The following CTNNA2 variants were observed in gnomAD, a reference collection of about 807,000 sequenced individuals.
CTNNA2 encodes catenin alpha-2.
Under a neutral mutation model 101.0 loss-of-function variants are expected in CTNNA2, and 42 were observed. The observed-to-expected ratio is 0.42, with a 90% CI of 0.32 to 0.54. The LOEUF (loss-of-function observed/expected upper bound fraction) is 0.54, where lower values mean the gene tolerates loss of function less well. CTNNA2 is among the 20% of genes least tolerant of loss of function. CTNNA2 has a pLI of 0.14. For synonymous variants in CTNNA2, 450 were observed against 456.4 expected (o/e 0.99, Z 0.18); for missense variants, 871 against 1,223.1 (o/e 0.71, Z 4.29).
intron 15 of CTNNA2, among the ~76,000 whole-genome samples, chr2:80,602,408 C>T (rs1697632825): frequency 6.6e-6 from 1 of 151,970 alleles, no homozygotes; most frequent in African/African-American, 2.4e-5. Flanking sequence ...AAGCATTTTC[C>T]AAGATCCTTT....
intron 7 of CTNNA2, among the ~76,000 whole-genome samples, chr2:80,228,963 C>A (rs1353142163): frequency 1.3e-5 from 2 of 152,096 alleles, no homozygotes; most frequent in African/African-American, 4.8e-5. Flanking sequence ...GATTCAAATG[C>A]CCAGCCCTAT....
intron 7 of CTNNA2, among the ~76,000 whole-genome samples, chr2:80,230,885 T>A (rs1332030047): frequency 6.6e-6 from 1 of 152,162 alleles, no homozygotes; most frequent in Non-Finnish European, 1.5e-5. Flanking sequence ...AATTGGACAT[T>A]ATCTTACTTT....
At chr2:80,198,924 T>C (rs1707015759) in intron 7 of CTNNA2, among the ~76,000 whole-genome samples, 1 of 152,110 alleles carries the variant, frequency 6.6e-6, no homozygotes, top group African/African-American at 2.4e-5. Context: ...GGTTCATGCC[T>C]ATAATCCCAG....
intron 2 of CTNNA2, among the ~76,000 whole-genome samples, chr2:79,702,222 T>A (rs1248724621): frequency 6.9e-6 from 1 of 144,030 alleles, no homozygotes; most frequent in African/African-American, 3.0e-5. Context: ...ATGGCCTGCC[T>A]TTTTACATTT....
chr2:80,398,462 AT>A (rs1251223875), intron 8 of CTNNA2, among the ~76,000 whole-genome samples: 1 of 152,094 alleles, frequency 6.6e-6, no homozygotes, highest in Non-Finnish European at 1.5e-5. Flanking sequence ...TCTAGGTCAG[AT>A]TGTCAAGCTG....
chr2:79,517,039 G>C (rs1031380446), intron 1 of CTNNA2, among the ~76,000 whole-genome samples: 8 of 152,096 alleles, frequency 5.3e-5, no homozygotes, highest in Non-Finnish European at 1.2e-4. Context: ...TGCTCTTTCA[G>C]TTTTGTGGCT....
chr2:80,001,719 C>T (rs772073930), intron 7 of CTNNA2, among the ~76,000 whole-genome samples: 30 of 152,258 alleles, frequency 2.0e-4, no homozygotes, highest in Middle Eastern at 6.8e-3. Flanking sequence ...AGGAAGGATG[C>T]CTTGGAGAAA....
intron 8 of CTNNA2, among the ~76,000 whole-genome samples, chr2:80,409,424 A>G (rs375124819): frequency 7.2e-5 from 11 of 152,290 alleles, no homozygotes; most frequent in African/African-American, 2.6e-4. Context: ...AGCACCATTT[A>G]TGAGGCCAGT....
intron 9 of CTNNA2, among the ~76,000 whole-genome samples, chr2:80,432,557 G>T (rs1367355858): frequency 6.6e-6 from 1 of 152,080 alleles, no homozygotes. Flanking sequence ...CATAATACCG[G>T]TGGCCACCAA....
intron 2 of CTNNA2, among the ~76,000 whole-genome samples, chr2:79,654,327 A>G (rs1415961133): frequency 2.6e-5 from 4 of 152,152 alleles, no homozygotes; most frequent in Admixed American, 6.5e-5. Flanking sequence ...TTAATATAAA[A>G]CACATTTATT....
chr2:79,236,485 A>G (rs1572992867), intron 2 of CTNNA2, among the ~76,000 whole-genome samples: 1 of 152,286 alleles, frequency 6.6e-6, no homozygotes, highest in East Asian at 1.9e-4. Flanking sequence ...ATGGCTGCTG[A>G]TTGATCAGGC....
chr2:79,219,373 G>A (rs563268703), intron 2 of CTNNA2, among the ~76,000 whole-genome samples: 3 of 152,222 alleles, frequency 2.0e-5, no homozygotes, highest in Non-Finnish European at 4.4e-5. Context: ...ATTTCGCACC[G>A]TCCTATAGAG....
intron 7 of CTNNA2, among the ~76,000 whole-genome samples, chr2:80,279,833 C>A (rs759422453): frequency 6.6e-6 from 1 of 152,012 alleles, no homozygotes; most frequent in African/African-American, 2.4e-5. Flanking sequence ...AGGTGATTGT[C>A]TCACCCTGAG....
At chr2:80,457,066 A>T (rs1684040620) in intron 9 of CTNNA2, among the ~76,000 whole-genome samples, 1 of 150,874 alleles carries the variant, frequency 6.6e-6, no homozygotes. Flanking sequence ...ATCATTATAC[A>T]TTTTTTTTTA....
intron 15 of CTNNA2, among the ~76,000 whole-genome samples, chr2:80,596,503 G>A (rs573844727): frequency 4.6e-5 from 7 of 150,758 alleles, no homozygotes; most frequent in African/African-American, 1.7e-4. Flanking sequence ...TAGTAGAGAC[G>A]GGGCTTCACC....
At chr2:79,204,309 T>G (rs10193442) in intron 2 of CTNNA2, among the ~76,000 whole-genome samples, 2 of 152,208 alleles carry the variant, frequency 1.3e-5, no homozygotes, top group African/African-American at 2.4e-5. Context: ...ATCGGACACC[T>G]ATTTCTTTTG....
At position 80,601,417 on chromosome 2, in the gene CTNNA2, C is replaced by CTTTTTT. The variant is rs375645223; in HGVS notation, c.2190-2654_2190-2653insTTTTTT. 4.2e-4 allele frequency among the ~76,000 whole-genome samples: 40 copies of CTTTTTT among 94,186 alleles called. 1 individual carries two copies. Among genetic ancestry groups the CTTTTTT allele is most frequent in the African/African-American group, 1.3e-3 (33 of 25,734 alleles). The allele number at this position is 94,186 out of a possible 152,430, so 61.8% of individuals were successfully genotyped here. On this transcript the variant is annotated intron_variant, in intron 15 of 18. Transcript: ENST00000402739. ...GATTTAATGACTTTTTTCTTTCTTT[C>CTTTTTT]TTTCTTTTTTTTTTTTTTTGATGAG...
intron 17 of CTNNA2, among the ~76,000 whole-genome samples, chr2:80,615,376 C>G (rs1698769010): frequency 1.3e-5 from 2 of 151,538 alleles, no homozygotes; most frequent in African/African-American, 4.8e-5. Context: ...GATTCATTCA[C>G]TGAATTCAAC....
intron 7 of CTNNA2, among the ~76,000 whole-genome samples, chr2:79,926,346 A>C (rs185784235): frequency 6.6e-6 from 1 of 152,304 alleles, no homozygotes. Context: ...TTTAGTTTTT[A>C]GAAGAATATA....
Sources: gnomAD v4.1 joint callset for allele counts (sites outside exome capture counted in the v4.1 genomes callset) on GRCh38, gnomAD v4.1.1 for gene constraint, MANE v1.5 for transcripts, NCBI Gene and HGNC (gene_info 2026-07-23, HGNC 2026-07-21) for gene names.